Variants in CAMK2D observed in about 807,000 individuals in gnomAD.
CAMK2D encodes calcium/calmodulin dependent protein kinase II delta, also known as calcium/calmodulin-dependent protein kinase type II subunit delta.
Under a neutral mutation model 84.0 loss-of-function variants are expected in CAMK2D, and 37 were observed. That is an observed-to-expected ratio of 0.44 (90% confidence interval 0.34 to 0.58). The LOEUF (loss-of-function observed/expected upper bound fraction) is 0.58. CAMK2D is among the 20% of genes least tolerant of loss of function. The pLI is 0.02. For missense variants in CAMK2D, 448 were observed against 652.5 expected (o/e 0.69, Z 3.41); for synonymous variants, 202 against 212.5 (o/e 0.95, Z 0.43).
chr4:113,724,966 G>GT (rs911575063), intron 2 of CAMK2D, among the ~76,000 whole-genome samples: 5 of 151,770 alleles, frequency 3.3e-5, no homozygotes, highest in Non-Finnish European at 5.9e-5. Context: ...TACTAAATCT[G>GT]TTTTTTCATT....
chr4:113,601,431 G>GA lies in CAMK2D; in HGVS notation c.275+7720dup, dbSNP rs770718558. 2.7e-3 allele frequency among the ~76,000 whole-genome samples: 389 copies of GA among 146,242 alleles called. 4 individuals carry two copies. The East Asian group carries it at 0.043, about 16-fold the overall frequency. ...CGATCCGGATATGCCCTTTCATGAG[G>GA]AAAAAAAAAACCACTAAAATTGTTA... On this transcript the variant is annotated intron_variant, in intron 4 of 20. Coordinates refer to ENST00000511664, the MANE Select transcript of CAMK2D (RefSeq NM_001321571.2).
chr4:113,651,831 T>A (rs1245626452), intron 3 of CAMK2D, among the ~76,000 whole-genome samples: 11 of 152,186 alleles, frequency 7.2e-5, no homozygotes, highest in Non-Finnish European at 1.5e-5. Context: ...GGGCCAGATG[T>A]GACCACCTAA....
chr4:113,605,169 A>G (rs2098971909), intron 4 of CAMK2D, among the ~76,000 whole-genome samples: 1 of 152,254 alleles, frequency 6.6e-6, no homozygotes, highest in Admixed American at 6.5e-5. Flanking sequence ...AGTCGACAGC[A>G]GATGAGTTTG....
intron 15 of CAMK2D, among the ~76,000 whole-genome samples, chr4:113,502,116 T>C (rs1273384996): frequency 6.6e-6 from 1 of 152,058 alleles, no homozygotes; most frequent in Non-Finnish European, 1.5e-5. Context: ...AAGTTTAGTA[T>C]TTTTTCTTCC....
At chr4:113,640,700 C>A (rs981353476) in intron 3 of CAMK2D, among the ~76,000 whole-genome samples, 1 of 152,058 alleles carries the variant, frequency 6.6e-6, no homozygotes. Flanking sequence ...ATAGAAGAAG[C>A]CTGAAAGCAG....
chr4:113,566,180 T>G (rs960508647), intron 4 of CAMK2D, among the ~76,000 whole-genome samples: 5 of 152,226 alleles, frequency 3.3e-5, no homozygotes, highest in Non-Finnish European at 5.9e-5. Flanking sequence ...TGACTGTGAA[T>G]CAGCTTAGTA....
chr4:113,712,434 C>T (rs1347018914), intron 2 of CAMK2D, among the ~76,000 whole-genome samples: 33 of 152,062 alleles, frequency 2.2e-4, no homozygotes, highest in Admixed American at 2.2e-3. Flanking sequence ...GGATATTGTA[C>T]AAATATACTT....
At chr4:113,700,274 TTAAGTAAAG>T (rs1331698924) in intron 2 of CAMK2D, among the ~76,000 whole-genome samples, 1 of 152,156 alleles carries the variant, frequency 6.6e-6, no homozygotes, top group Non-Finnish European at 1.5e-5. Flanking sequence ...TCAATAAAAT[TTAAGTAAAG>T]TATATTCTAC....
chr4:113,562,808 GT>G (rs1162068542), intron 4 of CAMK2D, among the ~76,000 whole-genome samples: 1 of 152,202 alleles, frequency 6.6e-6, no homozygotes, highest in Non-Finnish European at 1.5e-5. Context: ...TCAATAAATT[GT>G]TTTTTAAAGA....
At chr4:113,731,299 G>A (rs1023563514) in intron 2 of CAMK2D, among the ~76,000 whole-genome samples, 8 of 152,190 alleles carry the variant, frequency 5.3e-5, no homozygotes, top group African/African-American at 1.4e-4. Context: ...TAGCATTCCC[G>A]GGTCTAAAGA....
intron 2 of CAMK2D, chr4:113,754,909 T>C: frequency 1.0e-6 from 1 of 983,582 alleles, no homozygotes; most frequent in Non-Finnish European, 1.2e-6. Flanking sequence ...GATTTACTAA[T>C]TTTTTTCTTA....
In CAMK2D at chr4:113,457,386, T is replaced by C. The variant is rs992470602; in HGVS notation, c.1484A>G (p.Lys495Arg). 17 of 1,613,718 alleles carry C rather than the reference T, an allele frequency of 1.1e-5. No individual in the cohort carries two copies. The highest frequency in any genetic ancestry group is 1.4e-5 in the Non-Finnish European group (16 of 1,179,792). Residue 495 changes from lysine (K) to arginine (R), a missense_variant, in exon 19 of 21, where the codon AAG becomes AGG. By Grantham distance (26) the Lys-to-Arg change is conservative. Coordinates refer to ENST00000511664, the MANE Select transcript of CAMK2D (RefSeq NM_001321571.2). ...ETRVWHRRDG[K>R]WQNVHFHRSG... is the part of the protein sequence containing the mutation. ...GCGATGAAAATGAACATTCTGCCAC[T>C]TTCCATCCCGGCGGTGCCACACACG...
At chr4:113,705,401 A>G (rs1443112052) in intron 2 of CAMK2D, among the ~76,000 whole-genome samples, 1 of 151,800 alleles carries the variant, frequency 6.6e-6, no homozygotes, top group Non-Finnish European at 1.5e-5. Flanking sequence ...TAGATGCCTC[A>G]GGTTCTCTGA....
At chr4:113,634,434 T>C (rs962997638) in intron 3 of CAMK2D, among the ~76,000 whole-genome samples, 5 of 152,176 alleles carry the variant, frequency 3.3e-5, no homozygotes, top group Admixed American at 2.0e-4. Flanking sequence ...TGGTATTTTA[T>C]CTATTTCTTT....
chr4:113,488,798 T>A (rs2097791150), intron 16 of CAMK2D, among the ~76,000 whole-genome samples: 1 of 152,198 alleles, frequency 6.6e-6, no homozygotes, highest in African/African-American at 2.4e-5. Context: ...TTTCCTAATG[T>A]TAAAATGAGA....
chr4:113,711,326 T>C (rs2099491828), intron 2 of CAMK2D, among the ~76,000 whole-genome samples: 1 of 151,862 alleles, frequency 6.6e-6, no homozygotes, highest in African/African-American at 2.4e-5. Context: ...AACATGCACA[T>C]AGATAATGCC....
At position 113,761,076 on chromosome 4, in the gene CAMK2D, C is replaced by T. The variant is rs752204438; in HGVS notation, c.-8G>A. ...GGTTGTGGTCGAAGCCATCCTCGGTCCGGGCTGTGCCCTGGCTGGGAGCGC... is the reference window on the plus strand; with the variant it reads ...GGTTGTGGTCGAAGCCATCCTCGGTTCGGGCTGTGCCCTGGCTGGGAGCGC... On this transcript the variant is annotated 5_prime_UTR_variant, in exon 1 of 21. Coordinates refer to ENST00000511664, the MANE Select transcript of CAMK2D (RefSeq NM_001321571.2). 1.3e-5 allele frequency: 21 copies of T among 1,613,974 alleles called. 1 individual carries two copies. The Admixed American group carries it at 1.8e-4, about 14-fold the overall frequency.
chr4:113,707,813 C>T (rs2099466302), intron 2 of CAMK2D, among the ~76,000 whole-genome samples: 1 of 152,098 alleles, frequency 6.6e-6, no homozygotes, highest in Non-Finnish European at 1.5e-5. Flanking sequence ...TCTCTAGTGG[C>T]ATTGTCTGTA....
rs2098415145 is a variant in CAMK2D at position 113,526,078 on chromosome 4, A to C, written c.601+5138T>G. On this transcript the variant is annotated intron_variant, in intron 8 of 20. Transcript: ENST00000511664. ...ATGGTAAAACAATTCCAAATCCCAC[A>C]ACAATGACCAAGATATGTAACAAAA... Among the ~76,000 whole-genome samples the C allele has an allele frequency of 5.3e-5, 8 of 152,212 alleles. No homozygotes were observed. The South Asian group carries it at 1.4e-3, about 28-fold the overall frequency.
Sources: allele counts gnomAD v4.1 joint callset (sites outside exome capture counted in the v4.1 genomes callset), GRCh38; gene constraint gnomAD v4.1.1; transcripts MANE v1.5; gene names NCBI Gene and HGNC (gene_info 2026-07-23, HGNC 2026-07-21).